Variants in SEMA3D observed in about 807,000 individuals in gnomAD.
SEMA3D encodes semaphorin-3D.
In SEMA3D, 84 loss-of-function variants were observed where a neutral mutation model predicts 100.1. The ratio of observed to expected loss-of-function variants is 0.84; its 90% CI spans 0.70 to 1.01. The LOEUF (loss-of-function observed/expected upper bound fraction) is 1.01. Ranked by LOEUF, SEMA3D falls within the 50% of genes least tolerant of loss-of-function variation. The pLI is 0.00. For missense variants in SEMA3D, 875 were observed against 934.1 expected (o/e 0.94, Z 0.82); for synonymous variants, 312 against 320.7 (o/e 0.97, Z 0.29).
chr7:85,001,585 T>G (rs1467099241), intron 18 of SEMA3D, among the ~76,000 whole-genome samples: 1 of 152,124 alleles, frequency 6.6e-6, no homozygotes, highest in East Asian at 1.9e-4. Flanking sequence ...TTAATACACT[T>G]TAGGTCTCAA....
intron 2 of SEMA3D, among the ~76,000 whole-genome samples, chr7:85,148,001 C>T (rs1790264278): frequency 6.6e-6 from 1 of 152,100 alleles, no homozygotes; most frequent in African/African-American, 2.4e-5. Context: ...TAGGTGTAAA[C>T]AATTTCAACC....
chr7:85,174,770 G>A (rs187097386), intron 1 of SEMA3D, among the ~76,000 whole-genome samples: 68 of 152,164 alleles, frequency 4.5e-4, no homozygotes, highest in African/African-American at 1.6e-3. Context: ...ATCGGTTGAC[G>A]GCTGGGAGAG....
chr7:85,007,221 T>C (rs181361280), intron 17 of SEMA3D, among the ~76,000 whole-genome samples: 156 of 152,024 alleles, frequency 1.0e-3, no homozygotes, highest in Non-Finnish European at 1.5e-3. Flanking sequence ...ACTCTATATA[T>C]TGAGATTTTT....
chr7:85,116,054 A>G (rs1214073417), intron 3 of SEMA3D, among the ~76,000 whole-genome samples: 1 of 151,906 alleles, frequency 6.6e-6, no homozygotes, highest in East Asian at 1.9e-4. Flanking sequence ...TATTTACCCA[A>G]TGACTCATGA....
At chr7:85,168,219 T>C (rs886714865) in intron 1 of SEMA3D, among the ~76,000 whole-genome samples, 1 of 151,812 alleles carries the variant, frequency 6.6e-6, no homozygotes, top group Admixed American at 6.6e-5. Context: ...CATTGCTTAA[T>C]ATTTGGGTGG....
intron 3 of SEMA3D, among the ~76,000 whole-genome samples, chr7:85,104,761 G>A (rs1788860876): frequency 6.6e-6 from 1 of 150,810 alleles, no homozygotes; most frequent in Non-Finnish European, 1.5e-5. Context: ...TTTCTCTCAC[G>A]AGAAGACTAC....
At chr7:85,193,104 GTTC>G in the SEMA3D span, among the ~76,000 whole-genome samples, 5 of 152,154 alleles carry the variant, frequency 3.3e-5, no homozygotes, top group Admixed American at 6.5e-5. Context: ...TGAATCAACA[GTTC>G]TTCTTGGATC....
chr7:85,162,707 C>T (rs1046659071), intron 1 of SEMA3D, among the ~76,000 whole-genome samples: 7 of 151,914 alleles, frequency 4.6e-5, no homozygotes, highest in South Asian at 2.1e-4. Flanking sequence ...TGAGGAAGAA[C>T]GTGGAAAAAG....
intron 1 of SEMA3D, among the ~76,000 whole-genome samples, chr7:85,172,435 C>T (rs1376365573): frequency 6.6e-6 from 1 of 151,854 alleles, no homozygotes; most frequent in Non-Finnish European, 1.5e-5. Context: ...GCTGAAGTGA[C>T]CTTTAAGTTC....
chr7:85,052,370 A>T (rs1313100808), intron 9 of SEMA3D, among the ~76,000 whole-genome samples: 1 of 151,750 alleles, frequency 6.6e-6, no homozygotes, highest in East Asian at 1.9e-4. Context: ...CCAACTTACC[A>T]CTCTAATCTC....
the SEMA3D span, among the ~76,000 whole-genome samples, chr7:85,246,177 C>G: frequency 6.6e-6 from 1 of 151,988 alleles, no homozygotes; most frequent in Non-Finnish European, 1.5e-5. Flanking sequence ...ATGTAAGAGC[C>G]TTCTTTATGT....
intron 3 of SEMA3D, among the ~76,000 whole-genome samples, chr7:85,117,058 T>G (rs938481050): frequency 6.6e-6 from 1 of 152,180 alleles, no homozygotes; most frequent in African/African-American, 2.4e-5. Flanking sequence ...TTTCTCATGT[T>G]GCAACCAATA....
At chr7:85,076,116 A>G (rs1791914948) in intron 5 of SEMA3D, among the ~76,000 whole-genome samples, 1 of 152,194 alleles carries the variant, frequency 6.6e-6, no homozygotes, top group South Asian at 2.1e-4. Context: ...CACAATGTTG[A>G]TCATTGCATG....
At chr7:85,222,364 G>A in the SEMA3D span, among the ~76,000 whole-genome samples, 3 of 152,036 alleles carry the variant, frequency 2.0e-5, no homozygotes, top group Non-Finnish European at 4.4e-5. Flanking sequence ...CCAATGCAAT[G>A]GCAATGAATA....
upstream of SEMA3D, among the ~76,000 whole-genome samples, chr7:85,188,865 C>T (rs1791633658): frequency 6.6e-6 from 1 of 152,166 alleles, no homozygotes; most frequent in Non-Finnish European, 1.5e-5. Flanking sequence ...ACTTTGATTT[C>T]ACTACTATAA....
At chr7:85,148,199 T>C (rs953571711) in intron 2 of SEMA3D, among the ~76,000 whole-genome samples, 5 of 152,184 alleles carry the variant, frequency 3.3e-5, no homozygotes, top group Non-Finnish European at 7.4e-5. Flanking sequence ...CTACTAAGTA[T>C]CACTATTAAT....
the SEMA3D span, among the ~76,000 whole-genome samples, chr7:85,231,696 C>T: frequency 6.6e-6 from 1 of 152,054 alleles, no homozygotes; most frequent in Non-Finnish European, 1.5e-5. Context: ...GTGATCCGCC[C>T]CCCTCAGCCT....
intron 9 of SEMA3D, among the ~76,000 whole-genome samples, chr7:85,048,036 C>T (rs746016394): frequency 4.3e-4 from 65 of 151,848 alleles, no homozygotes; most frequent in Non-Finnish European, 7.7e-4. Flanking sequence ...GATATAAATA[C>T]TACAGTATTA....
At chr7:85,233,421 G>A in the SEMA3D span, among the ~76,000 whole-genome samples, 1 of 152,148 alleles carries the variant, frequency 6.6e-6, no homozygotes. Flanking sequence ...GAATTAGAGA[G>A]TAATACTGCC....
Sources: gnomAD v4.1 joint callset for allele counts (sites outside exome capture counted in the v4.1 genomes callset) on GRCh38, gnomAD v4.1.1 for gene constraint, MANE v1.5 for transcripts, NCBI Gene and HGNC (gene_info 2026-07-23, HGNC 2026-07-21) for gene names.